Variants in THSD7B observed in about 807,000 individuals in gnomAD.
THSD7B encodes the protein thrombospondin type 1 domain containing 7B.
In THSD7B, 138 loss-of-function variants were observed where a neutral mutation model predicts 213.6. The ratio of observed to expected loss-of-function variants is 0.65; its 90% CI spans 0.56 to 0.74. The LOEUF (loss-of-function observed/expected upper bound fraction) is 0.74, where lower values mean the gene tolerates loss of function less well. THSD7B is among the 30% of genes least tolerant of loss of function. The pLI is 0.00. For missense variants in THSD7B, 1,931 were observed against 1,991.5 expected (o/e 0.97, Z 0.58); for synonymous variants, 742 against 687.0 (o/e 1.08, Z -1.25).
rs1269769144 is a variant in THSD7B at position 137,546,453 on chromosome 2, TATTATATATAATATATATATATATAA to T, written c.3139-16767_3139-16742del. 1.5e-3 allele frequency among the ~76,000 whole-genome samples: 44 copies of T among 28,934 alleles called. 4 individuals carry two copies. Among genetic ancestry groups the T allele is most frequent in the African/African-American group, 0.012 (39 of 3,210 alleles). The allele number at this position is 28,934 out of a possible 152,430, so 19.0% of individuals were successfully genotyped here. A position where few individuals can be genotyped will look rare whatever the true frequency, so the allele number is the denominator to read the frequency against. ...ATATATATTATATATATTATATATA[TATTATATATAATATATATATATATAA>T]TATATATATATATATATTAACATAC... On this transcript the variant is annotated intron_variant, in intron 15 of 27. Coordinates refer to ENST00000409968, the MANE Select transcript of THSD7B (RefSeq NM_001316349.2).
intron 9 of THSD7B, among the ~76,000 whole-genome samples, chr2:137,241,911 G>GAAA (rs201903054): frequency 9.5e-6 from 1 of 105,584 alleles, no homozygotes; most frequent in Admixed American, 1.0e-4. Context: ...TCCATCTCAG[G>GAAA]AAAAAAAAAA....
At chr2:137,094,296 C>T (rs746900307) in intron 3 of THSD7B, among the ~76,000 whole-genome samples, 19 of 152,108 alleles carry the variant, frequency 1.2e-4, no homozygotes, top group Non-Finnish European at 2.2e-4. Flanking sequence ...AAGGGCTGGG[C>T]GCGATGGCTC....
chr2:137,308,062 A>G (rs1399233407), intron 12 of THSD7B, among the ~76,000 whole-genome samples: 2 of 152,016 alleles, frequency 1.3e-5, no homozygotes, highest in Non-Finnish European at 2.9e-5. Flanking sequence ...TCTGTGTGTG[A>G]TACACTATGG....
chr2:137,277,313 A>G (rs146324181), intron 12 of THSD7B, among the ~76,000 whole-genome samples: 24 of 152,200 alleles, frequency 1.6e-4, no homozygotes, highest in African/African-American at 5.5e-4. Context: ...GGATTTCAAT[A>G]TAAATGAAGA....
chr2:137,165,039 A>C lies in THSD7B; in HGVS notation c.1525+4671A>C, dbSNP rs191553646. The stretch of plus-strand genomic sequence containing the variant: ...AACCTAAAGTATAATAAAAAAAAAG[A>C]AAGAGTGAAAGAAAAGTGCTGAAGG... On this transcript the variant is annotated intron_variant, in intron 6 of 27. Transcript: ENST00000409968. Among the ~76,000 whole-genome samples the C allele has an allele frequency of 7.6e-4, 115 of 152,302 alleles. 2 individuals are homozygous for C. The East Asian group carries it at 0.02, about 27-fold the overall frequency.
chr2:137,096,834 C>T (rs1439135485), intron 4 of THSD7B, among the ~76,000 whole-genome samples: 1 of 152,142 alleles, frequency 6.6e-6, no homozygotes, highest in Non-Finnish European at 1.5e-5. Context: ...ATAATACTGC[C>T]TGTGTGGCAG....
intron 14 of THSD7B, among the ~76,000 whole-genome samples, chr2:137,413,414 G>A (rs1416983317): frequency 6.6e-6 from 1 of 152,144 alleles, no homozygotes; most frequent in Non-Finnish European, 1.5e-5. Flanking sequence ...GTCCAGAGGG[G>A]GATAGAAATA....
At position 137,056,767 on chromosome 2, in the gene THSD7B, G is replaced by A. The variant is rs770527964; in HGVS notation, c.487G>A (p.Ala163Thr). ...VVANEICEHF[A>T]LQPPTEQACL... ...TGCAAATGAAATATGCGAACACTTT[G>A]CCCTTCAGCCTCCTACAGAACAGGC... Residue 163 changes from alanine to threonine, a missense_variant, in exon 3 of 28, where the codon GCC (alanine) becomes ACC (threonine). Transcript: ENST00000409968. 1 of 1,613,950 alleles carries A rather than the reference G, an allele frequency of 6.2e-7. No homozygotes were observed. The highest frequency in any genetic ancestry group is 1.7e-5 in the Admixed American group (1 of 60,008).
At chr2:136,878,571 C>T (rs1349754770) in intron 1 of THSD7B, among the ~76,000 whole-genome samples, 64 of 152,112 alleles carry the variant, frequency 4.2e-4, no homozygotes, top group Non-Finnish European at 5.9e-5. Flanking sequence ...ACATCCTCTC[C>T]AGCACCTGTT....
At chr2:137,228,338 T>C (rs753548624) in intron 7 of THSD7B, among the ~76,000 whole-genome samples, 26 of 152,136 alleles carry the variant, frequency 1.7e-4, no homozygotes, top group Admixed American at 7.2e-4. Context: ...GAAATAGGTA[T>C]ATCAGCTTAT....
chr2:137,099,821 G>T (rs368723551), intron 4 of THSD7B, among the ~76,000 whole-genome samples: 29 of 152,302 alleles, frequency 1.9e-4, no homozygotes, highest in African/African-American at 4.8e-4. Flanking sequence ...TTACTACACA[G>T]AAAAGCCAAC....
Position 137,655,792 on chromosome 2 carries a change from G to T in THSD7B, c.4105+132G>T, listed in dbSNP as rs59441417. 2,863 of 1,197,780 alleles carry T rather than the reference G, an allele frequency of 2.4e-3. 54 individuals are homozygous for T. The African/African-American group carries it at 0.04, about 17-fold the overall frequency. The allele number at this position is 1,197,780 out of a possible 1,614,324, so 74.2% of individuals were successfully genotyped here. A position where few individuals can be genotyped will look rare whatever the true frequency, so the allele number is the denominator to read the frequency against. ...TAACTTTAATTCATTTTTAATTGTGGTTATCACTTTGGTATATACCTACGG... is the reference window on the plus strand; with the variant it reads ...TAACTTTAATTCATTTTTAATTGTGTTTATCACTTTGGTATATACCTACGG... On this transcript the variant is annotated intron_variant, in intron 22 of 27. Transcript: ENST00000409968.
chr2:137,326,263 GAATA>G (rs1283555953), intron 12 of THSD7B, among the ~76,000 whole-genome samples: 1 of 152,144 alleles, frequency 6.6e-6, no homozygotes, highest in Non-Finnish European at 1.5e-5. Flanking sequence ...GGGTAAGAGT[GAATA>G]AATAATGCAT....
chr2:137,154,302 G>A (rs1386885620), intron 5 of THSD7B, among the ~76,000 whole-genome samples: 2 of 151,932 alleles, frequency 1.3e-5, no homozygotes, highest in Non-Finnish European at 2.9e-5. Context: ...TTTGTCCTAA[G>A]GGAAAGATGA....
intron 12 of THSD7B, among the ~76,000 whole-genome samples, chr2:137,400,245 A>G (rs1466244063): frequency 6.6e-6 from 1 of 151,084 alleles, no homozygotes; most frequent in Non-Finnish European, 1.5e-5. Context: ...GCTAGCATCT[A>G]TTGCTGGTGG....
chr2:137,013,168 C>T (rs1686262162), intron 2 of THSD7B, among the ~76,000 whole-genome samples: 2 of 152,166 alleles, frequency 1.3e-5, no homozygotes, highest in Non-Finnish European at 2.9e-5. Context: ...CAGACTTCCA[C>T]TTCTGGCCAA....
At chr2:137,669,819 T>A (rs888994769) in intron 27 of THSD7B, among the ~76,000 whole-genome samples, 18 of 152,224 alleles carry the variant, frequency 1.2e-4, no homozygotes, top group African/African-American at 4.3e-4. Flanking sequence ...ACATACATTT[T>A]TCCTTTTTGT....
chr2:136,782,690 A>T (rs963391617), intron 1 of THSD7B, among the ~76,000 whole-genome samples: 2 of 152,194 alleles, frequency 1.3e-5, no homozygotes, highest in Non-Finnish European at 2.9e-5. Context: ...CAAGTGATCT[A>T]TTATACAGCA....
At chr2:137,113,285 T>C (rs984041220) in intron 4 of THSD7B, among the ~76,000 whole-genome samples, 2 of 152,116 alleles carry the variant, frequency 1.3e-5, no homozygotes, top group African/African-American at 4.8e-5. Context: ...CCCTGAAGAA[T>C]AGGGTAAGGA....
Sources: gnomAD v4.1 joint callset for allele counts (sites outside exome capture counted in the v4.1 genomes callset) on GRCh38, gnomAD v4.1.1 for gene constraint, MANE v1.5 for transcripts, NCBI Gene and HGNC (gene_info 2026-07-23, HGNC 2026-07-21) for gene names.